The following MTRR variants were observed in gnomAD, a reference collection of about 807,000 sequenced individuals.
The protein encoded by MTRR is methionine synthase reductase.
In MTRR, 63 loss-of-function variants were observed where a neutral mutation model predicts 79.2. The observed-to-expected ratio is 0.80, with a 90% CI of 0.65 to 0.98. The LOEUF is 0.98. Among genes scored for constraint, MTRR ranks in the 50% least tolerant of loss-of-function variants. The probability of loss-of-function intolerance (pLI) is 0.00; values close to 1 mark genes in which losing one functional copy is unlikely to be tolerated. For missense variants in MTRR, 895 were observed against 839.6 expected (o/e 1.07, Z -0.82); for synonymous variants, 355 against 313.3 (o/e 1.13, Z -1.41).
chr5:7,875,146 C>A (rs1748657838), intron 3 of MTRR, 112 bp from the exon 4 acceptor site: 7 of 799,538 alleles, frequency 8.8e-6, no homozygotes, highest in South Asian at 1.4e-5. Context: ...TGCATTATTA[C>A]TCCATCCATA....
intron 9 of MTRR, chr5:7,890,200 A>G (rs1290964664): frequency 2.2e-6 from 2 of 924,892 alleles, no homozygotes; most frequent in Non-Finnish European, 2.6e-6. Context: ...TTCGATGCCC[A>G]GTACAATTAA....
At chr5:7,855,109 T>C (rs1216600580) in intron 1 of MTRR, among the ~76,000 whole-genome samples, 2 of 152,160 alleles carry the variant, frequency 1.3e-5, no homozygotes, top group Non-Finnish European at 2.9e-5. Context: ...ACATGAAAAC[T>C]ACGTGAGAAA....
rs1483514424 is a variant in MTRR at position 7,892,883 on chromosome 5, T to C, written c.1527T>C (p.His509=). 5.6e-6 allele frequency: 9 copies of C among 1,614,242 alleles called. 1 individual carries two copies. In the African/African-American group the frequency reaches 6.7e-5, roughly 12 times the overall value. The change falls in exon 11 of 15, where the codon CAT becomes CAC. Residue 509 remains histidine (H), a synonymous_variant. Transcript: ENST00000440940. ...TTCAGCCAAACATACATGCATCCCA[T>C]GAAGACAGCGGGAAAGCCCTGGCTC... is the stretch of plus-strand genomic sequence containing the variant. ...SVLQPNIHAS[H]EDSGKALAPK...
At position 7,886,673 on chromosome 5, in the gene MTRR, G is replaced by T. The variant is rs1429920725; in HGVS notation, c.1116G>T (p.Trp372Cys). 1 of 1,613,786 alleles carries T rather than the reference G, an allele frequency of 6.2e-7. No homozygotes were observed. The highest frequency in any genetic ancestry group is 8.5e-7 in the Non-Finnish European group (1 of 1,179,794). Residue 372 changes from tryptophan (W) to cysteine (C), a missense_variant, in exon 8 of 15, where the codon TGG (tryptophan) becomes TGT (cysteine). Coordinates refer to ENST00000440940, the MANE Select transcript of MTRR (RefSeq NM_002454.3). ...GTTCTCTCCAGTTCATTTTTACCTG[G>T]TGTCTTGAAATCCGAGCAATTCCTA... The part of the protein sequence containing the change: ...AGCSLQFIFT[W>C]CLEIRAIPKK...
chr5:7,883,008 T>C, intron 5 of MTRR, 147 bp from the exon 6 acceptor site: 1 of 952,354 alleles, frequency 1.1e-6, no homozygotes, highest in Non-Finnish European at 1.7e-6. Flanking sequence ...GCTAGCTCCA[T>C]ATATCTGCCC....
At chr5:7,882,801 A>G (rs1735780201) in intron 5 of MTRR, among the ~76,000 whole-genome samples, 1 of 152,208 alleles carries the variant, frequency 6.6e-6, no homozygotes, top group South Asian at 2.1e-4. Context: ...GCATTCTTAA[A>G]CATCTGTCAC....
chr5:7,863,352 G>A (rs1248654433), intron 2 of MTRR: 1 of 227,158 alleles, frequency 4.4e-6, no homozygotes, highest in Non-Finnish European at 8.5e-6. Context: ...TGTCCCAAGG[G>A]TCTTAAGTAC....
Position 7,852,739 on chromosome 5 carries a change from T to C in MTRR, n.391+1154T>C, listed in dbSNP as rs567971753. 5.4e-3 allele frequency among the ~76,000 whole-genome samples: 612 copies of C among 112,610 alleles called. 6 individuals are homozygous for C. Among genetic ancestry groups the C allele is most frequent in the African/African-American group, 0.017 (569 of 32,694 alleles). 73.9% of individuals were successfully genotyped at this position (112,610 alleles called of 152,430 possible). A position where few individuals can be genotyped will look rare whatever the true frequency, so the allele number is the denominator to read the frequency against. ...GCCTCATTAAAGCAGCAGCCAAATA[T>C]GTTTTTTTTTTTTAAGCCCTTATAA... On this transcript the variant is annotated intron_variant and non_coding_transcript_variant, in intron 1 of 3. Coordinates refer to the MTRR transcript ENST00000502509.
chr5:7,880,884 C>G (rs1052693630), intron 5 of MTRR, among the ~76,000 whole-genome samples: 2 of 152,128 alleles, frequency 1.3e-5, no homozygotes, highest in Non-Finnish European at 2.9e-5. Flanking sequence ...TCATTTGAAC[C>G]CCCTCTTAAC....
chr5:7,888,168 G>T (rs1736945968), intron 8 of MTRR, among the ~76,000 whole-genome samples: 1 of 152,024 alleles, frequency 6.6e-6, no homozygotes, highest in African/African-American at 2.4e-5. Flanking sequence ...ACACTTACTT[G>T]AAGTATATTT....
chr5:7,891,289 ATTTTTTTT>A, intron 9 of MTRR, 75 bp from the exon 10 acceptor site: 2 of 364,384 alleles, frequency 5.5e-6, no homozygotes, highest in African/African-American at 2.9e-5. Context: ...AAGACATGGA[ATTTTTTTT>A]TTTTTTTTTT....
rs148234877 is a variant in MTRR at position 7,883,460 on chromosome 5, G to C, written c.903+183G>C. On this transcript the variant is annotated intron_variant, in intron 6 of 14. Coordinates refer to ENST00000440940, the MANE Select transcript of MTRR (RefSeq NM_002454.3). ...GGTTACATATGCTGAGTTGTGTGGT[G>C]CTTGGTTACATATGCTGAGTTGTGT... Among the ~76,000 whole-genome samples the C allele has an allele frequency of 7.1e-5, 10 of 140,230 alleles. No individual in the cohort carries two copies. The East Asian group carries it at 2.2e-3, about 31-fold the overall frequency. 92.0% of individuals were successfully genotyped at this position (140,230 alleles called of 152,430 possible). A position where few individuals can be genotyped will look rare whatever the true frequency, so the allele number is the denominator to read the frequency against.
chr5:7,894,895 A>G (rs1738246159), intron 11 of MTRR, among the ~76,000 whole-genome samples: 1 of 152,244 alleles, frequency 6.6e-6, no homozygotes. Flanking sequence ...AAATGAATGA[A>G]GCAAAGAAGG....
intron 7 of MTRR, 130 bp downstream of exon 7, chr5:7,885,984 C>G: frequency 8.3e-7 from 1 of 1,209,416 alleles, no homozygotes; most frequent in Non-Finnish European, 1.2e-6. Flanking sequence ...AGCTGCGCAT[C>G]AAGGTCTGGG....
At chr5:7,866,087 T>C (rs1321499022), upstream of MTRR, 2 of 827,402 alleles carry the variant, frequency 2.4e-6, no homozygotes, top group Non-Finnish European at 2.0e-6. Flanking sequence ...GACAGAAGTA[T>C]TCTATTTTTA....
chr5:7,863,272 GGAGT>G (rs1449889756), intron 2 of MTRR: 1 of 384,644 alleles, frequency 2.6e-6, no homozygotes, highest in East Asian at 5.9e-5. Flanking sequence ...AAGGTAAAAA[GGAGT>G]GAGGAGAGAG....
intron 10 of MTRR, 53 bp downstream of exon 10, chr5:7,891,467 C>T (rs1737566302): frequency 7.5e-7 from 1 of 1,329,314 alleles, no homozygotes; most frequent in Non-Finnish European, 1.0e-6. Flanking sequence ...AAATCTTAGA[C>T]TCAGGCTTCC....
At chr5:7,856,450 C>T (rs1370887000) in intron 1 of MTRR, among the ~76,000 whole-genome samples, 2 of 152,192 alleles carry the variant, frequency 1.3e-5, no homozygotes, top group South Asian at 4.1e-4. Context: ...CCATTCCTTA[C>T]ATGACCCTTC....
At chr5:7,890,369 A>G (rs1737340970) in intron 9 of MTRR, 2 of 985,424 alleles carry the variant, frequency 2.0e-6, no homozygotes, top group South Asian at 4.7e-5. Flanking sequence ...TCTTCAGTGA[A>G]GTCTTCGAGA....
Sources: gnomAD v4.1 joint callset for allele counts (sites outside exome capture counted in the v4.1 genomes callset) on GRCh38, gnomAD v4.1.1 for gene constraint, MANE v1.5 for transcripts, NCBI Gene and HGNC (gene_info 2026-07-23, HGNC 2026-07-21) for gene names.